The following FAAH2 variants were observed in gnomAD, a reference collection of about 807,000 sequenced individuals.
The protein encoded by FAAH2 is fatty-acid amide hydrolase 2.
A neutral mutation model predicts 36.9 loss-of-function variants in FAAH2; 60 were observed. That is an observed-to-expected ratio of 1.63 (90% CI 1.32 to 2.02). FAAH2 has a LOEUF of 2.02. Ranked by LOEUF, FAAH2 falls within the 30% of genes most tolerant of loss-of-function variation. FAAH2 has a pLI of 0.00. For synonymous variants in FAAH2, 214 were observed against 143.8 expected, an observed-to-expected ratio of 1.49 and a Z score of -3.49; for missense variants, 689 against 397.5, an observed-to-expected ratio of 1.73 and a Z score of -6.23.
rs779459046 is a variant in FAAH2 at position 57,377,977 on chromosome X, CA to C, written c.743-673del. On this transcript the variant is annotated intron_variant, in intron 5 of 10. Transcript: ENST00000374900. ...TATTGGAATGCTTGTGATTTTTGCA[CA>C]TTGATTTTGTATCCTGAGACTTTGC... 1.3e-4 allele frequency among the ~76,000 whole-genome samples: 14 copies of C among 111,836 alleles called. No individual in the cohort carries two copies. The East Asian group carries it at 3.4e-3, about 27-fold the overall frequency.
intron 8 of FAAH2, among the ~76,000 whole-genome samples, chrX:57,434,187 T>G (rs2147121867): frequency 9.3e-6 from 1 of 107,750 alleles, no homozygotes; most frequent in African/African-American, 3.4e-5. Flanking sequence ...CTTGTTTTCC[T>G]GCCTCAGCCT....
chrX:57,134,928 G>A, the FAAH2 span: 1 of 111,826 alleles, frequency 8.9e-6, no homozygotes, highest in African/African-American at 3.3e-5. Context: ...CTGTCAACAT[G>A]CTCTTCTAGT....
chrX:57,150,108 C>A, the FAAH2 span, among the ~76,000 whole-genome samples: 1 of 112,236 alleles, frequency 8.9e-6, no homozygotes, highest in African/African-American at 3.2e-5. Context: ...AGTTTGATTG[C>A]ACTGTGGTCT....
chrX:57,290,613 A>C (rs1039470271), intron 1 of FAAH2, among the ~76,000 whole-genome samples: 2 of 111,542 alleles, frequency 1.8e-5, no homozygotes, highest in Non-Finnish European at 3.8e-5. Context: ...TCCATTTGAT[A>C]GATATTTAAA....
the FAAH2 span, among the ~76,000 whole-genome samples, chrX:57,259,482 A>G: frequency 8.9e-6 from 1 of 112,180 alleles, no homozygotes; most frequent in African/African-American, 3.2e-5. Flanking sequence ...TTGTGGTACA[A>G]TAGATGAACC....
the FAAH2 span, among the ~76,000 whole-genome samples, chrX:57,245,593 C>T: frequency 8.9e-6 from 1 of 112,246 alleles, no homozygotes; most frequent in Non-Finnish European, 1.9e-5. Context: ...AACCCCACAA[C>T]TTGGAAACTG....
the FAAH2 span, among the ~76,000 whole-genome samples, chrX:57,205,839 A>T: frequency 8.9e-6 from 1 of 112,405 alleles, no homozygotes; most frequent in Admixed American, 9.4e-5. Flanking sequence ...AAGAGTATTT[A>T]TAAAAGCTTG....
At chrX:57,411,563 C>T (rs1216147919) in intron 7 of FAAH2, among the ~76,000 whole-genome samples, 2 of 111,453 alleles carry the variant, frequency 1.8e-5, no homozygotes, top group Non-Finnish European at 3.8e-5. Context: ...TGCATGCTGG[C>T]TCTTATGTGT....
intron 3 of FAAH2, among the ~76,000 whole-genome samples, chrX:57,321,911 T>A (rs1044621973): frequency 4.6e-4 from 52 of 112,319 alleles, no homozygotes; most frequent in Non-Finnish European, 1.1e-4. Context: ...ATTTAGTGCT[T>A]CTTCCAGGAG....
At chrX:57,402,743 A>G (rs5915011) in intron 7 of FAAH2, among the ~76,000 whole-genome samples, 2,930 of 111,822 alleles carry the variant, frequency 0.026, 47 homozygotes, top group Middle Eastern at 0.041. Flanking sequence ...AGTTTTCCTT[A>G]GTCCTTCTAA....
intron 7 of FAAH2, among the ~76,000 whole-genome samples, chrX:57,407,517 G>A (rs1320791098): frequency 1.8e-5 from 2 of 111,904 alleles, no homozygotes; most frequent in African/African-American, 6.5e-5. Context: ...AGCTTTTTGG[G>A]GGCCAATCTC....
At chrX:57,169,509 T>C in the FAAH2 span, among the ~76,000 whole-genome samples, 1 of 746 alleles carries the variant, frequency 1.3e-3, no homozygotes, top group African/African-American at 3.6e-3. Context: ...TATATATATA[T>C]ATATATATAT....
intron 3 of FAAH2, among the ~76,000 whole-genome samples, chrX:57,323,498 G>GT (rs2053099489): frequency 9.0e-6 from 1 of 111,116 alleles, no homozygotes; most frequent in Admixed American, 9.6e-5. Context: ...AGCACCTGTT[G>GT]TTCCTGACTT....
chrX:57,204,171 C>T, the FAAH2 span, among the ~76,000 whole-genome samples: 3 of 111,204 alleles, frequency 2.7e-5, no homozygotes, highest in Middle Eastern at 9.2e-3. Context: ...ATGCAATCTT[C>T]CCAAACAAGT....
At chrX:57,455,662 T>C (rs917888800) in intron 10 of FAAH2, among the ~76,000 whole-genome samples, 2 of 111,684 alleles carry the variant, frequency 1.8e-5, no homozygotes, top group African/African-American at 6.5e-5. Flanking sequence ...TATTCTTACA[T>C]TAGATTAACA....
intron 9 of FAAH2, among the ~76,000 whole-genome samples, 158 bp from the exon 10 acceptor site, chrX:57,448,363 TAGA>T (rs1162184629): frequency 8.9e-6 from 1 of 112,440 alleles, no homozygotes; most frequent in Non-Finnish European, 1.9e-5. Flanking sequence ...TAAAACAAAC[TAGA>T]AGGAGTTAAA....
At chrX:57,356,439 T>C (rs1182678823) in intron 5 of FAAH2, among the ~76,000 whole-genome samples, 2 of 111,396 alleles carry the variant, frequency 1.8e-5, no homozygotes, top group Non-Finnish European at 3.8e-5. Context: ...TTACTAGCTA[T>C]AGGTTCTTTC....
At chrX:57,339,992 C>T (rs907255820) in intron 4 of FAAH2, among the ~76,000 whole-genome samples, 2 of 111,279 alleles carry the variant, frequency 1.8e-5, no homozygotes, top group African/African-American at 6.5e-5. Flanking sequence ...CACAGGATAA[C>T]AAGTTGAAGT....
chrX:57,220,528 C>T, the FAAH2 span, among the ~76,000 whole-genome samples: 1 of 111,764 alleles, frequency 8.9e-6, no homozygotes, highest in Non-Finnish European at 1.9e-5. Context: ...TGACGACGGC[C>T]GTCAAACCCC....
Sources: gnomAD v4.1 joint callset for allele counts (sites outside exome capture counted in the v4.1 genomes callset) on GRCh38, gnomAD v4.1.1 for gene constraint, MANE v1.5 for transcripts, NCBI Gene and HGNC (gene_info 2026-07-23, HGNC 2026-07-21) for gene names.